NSUN6: variants seen among roughly 807,000 people sequenced by gnomAD.
NSUN6 encodes tRNA (cytosine(72)-C(5))-methyltransferase NSUN6.
Under a neutral mutation model 58.0 loss-of-function variants are expected in NSUN6, and 64 were observed. The observed-to-expected ratio is 1.10, with a 90% CI of 0.90 to 1.36. The LOEUF (loss-of-function observed/expected upper bound fraction) is 1.36. Ranked by LOEUF, NSUN6 falls within the 40% of genes most tolerant of loss-of-function variation. The probability of loss-of-function intolerance (pLI) is 0.00; values close to 1 mark genes in which losing one functional copy is unlikely to be tolerated. For synonymous variants in NSUN6, 231 were observed against 193.9 expected, an observed-to-expected ratio of 1.19 and a Z score of -1.59; for missense variants, 701 against 550.1, an observed-to-expected ratio of 1.27 and a Z score of -2.74.
In NSUN6 at chr10:18,561,315, G is replaced by A. The variant is rs370867877; in HGVS notation, c.923-9344C>T. ...AATGGAATGGAATGGAGAATGGAATGGAATGGAGAATGGAATAGAATATGG... is the reference window on the plus strand; with the variant it reads ...AATGGAATGGAATGGAGAATGGAATAGAATGGAGAATGGAATAGAATATGG... On this transcript the variant is annotated intron_variant, in intron 8 of 10. Coordinates refer to ENST00000377304, the MANE Select transcript of NSUN6 (RefSeq NM_182543.5). 1.3e-4 allele frequency among the ~76,000 whole-genome samples: 10 copies of A among 79,912 alleles called. 1 individual carries two copies. Among genetic ancestry groups the A allele is most frequent in the African/African-American group, 2.6e-4 (6 of 23,238 alleles). The allele number at this position is 79,912 out of a possible 152,430, so 52.4% of individuals were successfully genotyped here.
At chr10:18,645,929 T>A (rs1278254058) in intron 2 of NSUN6, among the ~76,000 whole-genome samples, 1 of 152,190 alleles carries the variant, frequency 6.6e-6, no homozygotes, top group African/African-American at 2.4e-5. Flanking sequence ...TATATGGGAT[T>A]CACGCGTGTA....
intron 3 of NSUN6, among the ~76,000 whole-genome samples, chr10:18,633,306 T>G (rs1362744849): frequency 6.6e-6 from 1 of 150,714 alleles, no homozygotes; most frequent in Non-Finnish European, 1.5e-5. Flanking sequence ...GAGATATACC[T>G]AATGCTAGAT....
intron 7 of NSUN6, among the ~76,000 whole-genome samples, chr10:18,591,503 C>T (rs926479641): frequency 1.2e-4 from 18 of 152,274 alleles, no homozygotes; most frequent in Admixed American, 3.3e-4. Flanking sequence ...TCCAGCAGTA[C>T]ATTAAAAAGC....
At chr10:18,639,898 C>T in intron 3 of NSUN6, among the ~76,000 whole-genome samples, 1 of 152,162 alleles carries the variant, frequency 6.6e-6, no homozygotes, top group East Asian at 1.9e-4. Context: ...CTAAAATAAG[C>T]ACAGACCTTT....
intron 3 of NSUN6, among the ~76,000 whole-genome samples, chr10:18,638,875 G>A (rs1222892444): frequency 3.3e-5 from 5 of 149,344 alleles, no homozygotes; most frequent in Non-Finnish European, 7.4e-5. Context: ...TGTGCCATAA[G>A]GACTGAAAGC....
At chr10:18,623,104 C>T (rs575617784) in intron 3 of NSUN6, among the ~76,000 whole-genome samples, 20 of 152,168 alleles carry the variant, frequency 1.3e-4, no homozygotes, top group Non-Finnish European at 2.8e-4. Context: ...TACATGAAAC[C>T]TCATTTTAAG....
Position 18,586,051 on chromosome 10 carries a change from T to G in NSUN6, c.820A>C (p.Lys274Gln), listed in dbSNP as rs951891951. Residue 274 changes from lysine (K) to glutamine (Q), a missense_variant, in exon 8 of 11, where the codon AAA becomes CAA. By Grantham distance (53) the Lys-to-Gln change is moderately conservative. Transcript: ENST00000377304. ...AACAATAAGGCATTCTGTTTGATTT[T>G]TTCTACTTTGTTGAAGATTTTATCC... The part of the protein sequence containing the change: ...ALDKIFNKVE[K>Q]IKQNALLLGL... 1 of 1,610,268 alleles carries G rather than the reference T, an allele frequency of 6.2e-7. No individual in the cohort carries two copies. Among genetic ancestry groups the G allele is most frequent in the African/African-American group, 1.3e-5 (1 of 74,824 alleles).
At chr10:18,570,246 T>C (rs998322621) in intron 8 of NSUN6, among the ~76,000 whole-genome samples, 4 of 151,282 alleles carry the variant, frequency 2.6e-5, no homozygotes, top group Non-Finnish European at 5.9e-5. Flanking sequence ...TCCATTCCAT[T>C]CCATTCAATT....
chr10:18,651,698 C>T (rs1329612950), upstream of NSUN6: 3 of 985,752 alleles, frequency 3.0e-6, no homozygotes, highest in Non-Finnish European at 3.6e-6. Flanking sequence ...TCCACAGCCG[C>T]AAGTTTCCCC....
At chr10:18,574,536 C>A (rs991125472) in intron 8 of NSUN6, among the ~76,000 whole-genome samples, 1 of 152,088 alleles carries the variant, frequency 6.6e-6, no homozygotes, top group Middle Eastern at 3.2e-3. Context: ...ATAGATGCTT[C>A]CTCCCAGGTG....
At position 18,549,584 on chromosome 10, in the gene NSUN6, G is replaced by A. The variant is rs142783801; in HGVS notation, c.1072-1347C>T. Among the ~76,000 whole-genome samples the A allele has an allele frequency of 3.7e-3, 568 of 152,172 alleles. 3 individuals are homozygous for A. Among genetic ancestry groups the A allele is most frequent in the African/African-American group, 0.013 (549 of 41,504 alleles). On this transcript the variant is annotated intron_variant, in intron 9 of 10. Coordinates refer to ENST00000377304, the MANE Select transcript of NSUN6 (RefSeq NM_182543.5). Reference sequence around the variant, plus strand: ...AACCTCGTGAATAAGGGCATGGAGTGTTTGTCCACTTTCTCAATGCTGTAC... The same window carrying A: ...AACCTCGTGAATAAGGGCATGGAGTATTTGTCCACTTTCTCAATGCTGTAC...
intron 8 of NSUN6, among the ~76,000 whole-genome samples, chr10:18,577,122 G>C (rs757701353): frequency 2.6e-5 from 4 of 152,220 alleles, no homozygotes; most frequent in Admixed American, 6.5e-5. Context: ...TACAGATGCT[G>C]TTAAAGGAAT....
At chr10:18,591,383 C>T (rs550535897) in intron 7 of NSUN6, among the ~76,000 whole-genome samples, 45 of 152,278 alleles carry the variant, frequency 3.0e-4, no homozygotes, top group African/African-American at 1.0e-3. Context: ...AGGCCAGCAT[C>T]ATCCTGATAC....
chr10:18,554,253 G>A (rs576562118), intron 8 of NSUN6, among the ~76,000 whole-genome samples: 1 of 151,000 alleles, frequency 6.6e-6, no homozygotes, highest in African/African-American at 2.4e-5. Context: ...GAATGGAAAG[G>A]AGAATGGAAT....
chr10:18,606,338 T>TC (rs71402187), intron 6 of NSUN6, among the ~76,000 whole-genome samples: 79,672 of 151,826 alleles, frequency 0.52, 21,618 homozygotes, highest in East Asian at 0.98. Context: ...TGAGTGACAT[T>TC]AACAAAATAC....
intron 3 of NSUN6, among the ~76,000 whole-genome samples, chr10:18,628,745 T>C (rs1050357511): frequency 1.6e-4 from 24 of 152,176 alleles, no homozygotes; most frequent in African/African-American, 5.5e-4. Context: ...CCAAGAAATA[T>C]GGGACTATGT....
chr10:18,656,283 G>A (rs1338558067), upstream of NSUN6, among the ~76,000 whole-genome samples: 1 of 152,068 alleles, frequency 6.6e-6, no homozygotes, highest in Non-Finnish European at 1.5e-5. Context: ...AAAAATGGTG[G>A]CTTCCAGCAC....
chr10:18,550,728 C>CTTT (rs66875630), intron 9 of NSUN6, among the ~76,000 whole-genome samples: 6,570 of 138,870 alleles, frequency 0.047, 244 homozygotes, highest in Non-Finnish European at 0.076. Flanking sequence ...CAAAAAATCT[C>CTTT]TTTTTTTTTT....
At chr10:18,605,356 A>G (rs9731044) in intron 6 of NSUN6, among the ~76,000 whole-genome samples, 121,931 of 151,920 alleles carry the variant, frequency 0.8, 49,068 homozygotes, top group East Asian at 0.98. Context: ...ATTTGTGAGT[A>G]TACGCTGTTA....
Sources: gnomAD v4.1 joint callset for allele counts (sites outside exome capture counted in the v4.1 genomes callset) on GRCh38, gnomAD v4.1.1 for gene constraint, MANE v1.5 for transcripts, NCBI Gene and HGNC (gene_info 2026-07-23, HGNC 2026-07-21) for gene names.